The following XYLT1 variants were observed in gnomAD, a reference collection of about 807,000 sequenced individuals.
XYLT1 encodes the protein beta-D-xylosyltransferase 1.
A neutral mutation model predicts 91.3 loss-of-function variants in XYLT1; 36 were observed. The observed-to-expected ratio is 0.39, with a 90% CI of 0.30 to 0.52. The LOEUF (loss-of-function observed/expected upper bound fraction) is 0.52. XYLT1 is among the 20% of genes least tolerant of loss of function. XYLT1 has a pLI of 0.68. For missense variants in XYLT1, 1,242 were observed against 1,284.5 expected, an observed-to-expected ratio of 0.97 and a Z score of 0.51; for synonymous variants, 588 against 532.0, an observed-to-expected ratio of 1.11 and a Z score of -1.45.
At chr16:17,176,040 C>CAAA (rs10635873) in intron 5 of XYLT1, among the ~76,000 whole-genome samples, 26,081 of 148,804 alleles carry the variant, frequency 0.18, 2,636 homozygotes, top group South Asian at 0.3. Context: ...ATGGGGAATG[C>CAAA]AAAAAAAAAA....
chr16:17,134,305 C>T (rs532928058), intron 9 of XYLT1, among the ~76,000 whole-genome samples, 168 bp downstream of exon 9: 104 of 152,202 alleles, frequency 6.8e-4, no homozygotes, highest in Non-Finnish European at 1.0e-3. Flanking sequence ...GGAAATGCCA[C>T]GCACGCTAGG....
Position 17,204,779 on chromosome 16 carries a change from GC to G in XYLT1, c.914-4126del, listed in dbSNP as rs563178208. On this transcript the variant is annotated intron_variant, in intron 3 of 11. Transcript: ENST00000261381. ...AATGGAGTGAGTCTGTGATCCCAGAGCCCTGTCATGGTCACCATGCTCAATC... is the reference window on the plus strand; with the variant it reads ...AATGGAGTGAGTCTGTGATCCCAGAGCCTGTCATGGTCACCATGCTCAATC... Among the ~76,000 whole-genome samples the G allele has an allele frequency of 3.2e-4, 49 of 152,202 alleles. 1 individual carries two copies. The East Asian group carries it at 9.3e-3, about 29-fold the overall frequency.
chr16:17,245,454 C>T (rs962362043), intron 3 of XYLT1, among the ~76,000 whole-genome samples: 7 of 152,170 alleles, frequency 4.6e-5, no homozygotes, highest in Admixed American at 2.0e-4. Context: ...AAACCCTCCT[C>T]AAAATTGCGA....
At position 17,418,001 on chromosome 16, in the gene XYLT1, T is replaced by C. The variant is rs1250945339; in HGVS notation, c.363+52433A>G. On this transcript the variant is annotated intron_variant, in intron 1 of 11. Transcript: ENST00000261381. The stretch of plus-strand genomic sequence containing the variant: ...CTGCCAGGCACGTGCATGAGACACC[T>C]TGAGCAACCACCACAGCCAAACCTT... Among the ~76,000 whole-genome samples, 5 of 152,246 alleles carry C rather than the reference T, an allele frequency of 3.3e-5. No homozygotes were observed. In the East Asian group the frequency reaches 7.8e-4, roughly 24 times the overall value.
At chr16:17,215,192 T>C (rs2032832900) in intron 3 of XYLT1, among the ~76,000 whole-genome samples, 1 of 152,068 alleles carries the variant, frequency 6.6e-6, no homozygotes, top group South Asian at 2.1e-4. Flanking sequence ...CTTGTCTCTA[T>C]TAAAAATACA....
chr16:17,141,522 T>A (rs974099402), intron 6 of XYLT1, among the ~76,000 whole-genome samples, 153 bp from the exon 7 acceptor site: 2 of 152,168 alleles, frequency 1.3e-5, no homozygotes, highest in African/African-American at 4.8e-5. Flanking sequence ...GCGTGGAGTT[T>A]ATCACTTGAT....
intron 2 of XYLT1, among the ~76,000 whole-genome samples, chr16:17,329,356 T>G (rs1315466944): frequency 2.0e-5 from 3 of 152,248 alleles, no homozygotes; most frequent in Admixed American, 6.5e-5. Flanking sequence ...TGGGGGGATA[T>G]AATACATTGC....
chr16:17,368,457 T>C (rs2035482941), intron 1 of XYLT1, among the ~76,000 whole-genome samples: 1 of 152,246 alleles, frequency 6.6e-6, no homozygotes, highest in South Asian at 2.1e-4. Flanking sequence ...GGTTAAGTCC[T>C]TATGAGATAC....
chr16:17,231,930 T>C (rs1397331286), intron 3 of XYLT1, among the ~76,000 whole-genome samples: 3 of 151,716 alleles, frequency 2.0e-5, no homozygotes, highest in Admixed American at 6.6e-5. Flanking sequence ...ACTGTACACT[T>C]AGGCCACACT....
chr16:17,470,637 C>T lies in XYLT1; in HGVS notation c.160G>A (p.Gly54Arg). Residue 54 changes from glycine to arginine, a missense_variant, in exon 1 of 12, where the codon GGG becomes AGG. Physicochemically the swap from Gly to Arg is moderately radical, Grantham distance 125. Around this residue, in one of 3 missense-constraint regions of XYLT1, gnomAD observed 437 missense variants for 411.5 expected, o/e 1.06. Coordinates refer to ENST00000261381, the MANE Select transcript of XYLT1 (RefSeq NM_022166.4). Reference sequence around the variant, plus strand: ...GCCGGGGCCGGGGGCGGCTGCTCCCCGCCGCCGACCGCTGCGCCCCCGCGG... The same window carrying T: ...GCCGGGGCCGGGGGCGGCTGCTCCCTGCCGCCGACCGCTGCGCCCCCGCGG... Reference protein sequence around the residue: ...ERRGGAAVGGGEQPPPAPAPR... With the variant: ...ERRGGAAVGGREQPPPAPAPR... 1 of 1,100,678 alleles carries T rather than the reference C, an allele frequency of 9.1e-7. No individual in the cohort carries two copies. The highest frequency in any genetic ancestry group is 1.1e-6 in the Non-Finnish European group (1 of 900,874). 68.2% of individuals were successfully genotyped at this position (1,100,678 alleles called of 1,614,324 possible).
chr16:17,291,091 C>T (rs1167746522), intron 2 of XYLT1, among the ~76,000 whole-genome samples: 11 of 152,196 alleles, frequency 7.2e-5, no homozygotes, highest in Non-Finnish European at 2.9e-5. Flanking sequence ...CACACCACCA[C>T]ACCTGGTTAA....
intron 11 of XYLT1, among the ~76,000 whole-genome samples, chr16:17,117,215 A>T (rs1325436821): frequency 6.6e-6 from 1 of 152,246 alleles, no homozygotes; most frequent in African/African-American, 2.4e-5. Flanking sequence ...AGTACTTTAA[A>T]AAAATGTAGC....
chr16:17,278,212 T>C (rs560115760), intron 2 of XYLT1, among the ~76,000 whole-genome samples: 1 of 152,270 alleles, frequency 6.6e-6, no homozygotes, highest in South Asian at 2.1e-4. Flanking sequence ...CCGAACTCCC[T>C]TTAGTCCTCA....
At chr16:17,351,007 G>A (rs145421027) in intron 2 of XYLT1, among the ~76,000 whole-genome samples, 1 of 152,162 alleles carries the variant, frequency 6.6e-6, no homozygotes, top group African/African-American at 2.4e-5. Context: ...CCAAGTAGCT[G>A]GATTAAGAAA....
At chr16:17,327,450 C>T (rs1466964845) in intron 2 of XYLT1, among the ~76,000 whole-genome samples, 2 of 150,186 alleles carry the variant, frequency 1.3e-5, no homozygotes, top group South Asian at 2.1e-4. Flanking sequence ...GCAAGCTCCG[C>T]CCCCCGGGTT....
chr16:17,334,102 C>T (rs568345184), intron 2 of XYLT1, among the ~76,000 whole-genome samples: 6 of 152,296 alleles, frequency 3.9e-5, no homozygotes, highest in South Asian at 2.1e-4. Context: ...GGCACCATCT[C>T]GGAAGCAGAG....
At chr16:17,198,498 G>A (rs2032475710) in intron 4 of XYLT1, 84 bp from the exon 5 acceptor site, 6 of 1,402,814 alleles carry the variant, frequency 4.3e-6, no homozygotes, top group Non-Finnish European at 4.9e-6. Flanking sequence ...CCCTCTCTGT[G>A]TCTTCCCTCC....
intron 1 of XYLT1, among the ~76,000 whole-genome samples, chr16:17,440,260 A>G (rs539356609): frequency 6.6e-6 from 1 of 152,376 alleles, no homozygotes; most frequent in South Asian, 2.1e-4. Flanking sequence ...TGAATGCAGA[A>G]TGAACTGATA....
At chr16:17,376,974 C>T (rs1422620291) in intron 1 of XYLT1, among the ~76,000 whole-genome samples, 9 of 151,924 alleles carry the variant, frequency 5.9e-5, no homozygotes, top group African/African-American at 2.2e-4. Flanking sequence ...GTCAGAAGTT[C>T]GAGACCAGCC....
Sources: allele counts gnomAD v4.1 joint callset (sites outside exome capture counted in the v4.1 genomes callset), GRCh38; gene constraint gnomAD v4.1.1; regional missense constraint gnomAD v4.1.1; transcripts MANE v1.5; gene names NCBI Gene and HGNC (gene_info 2026-07-23, HGNC 2026-07-21).